Variants in SLC39A12 observed in about 807,000 individuals in gnomAD.
SLC39A12 encodes the protein solute carrier family 39 member 12, also known as zinc transporter ZIP12.
Under a neutral mutation model 71.1 loss-of-function variants are expected in SLC39A12, and 63 were observed. The ratio of observed to expected loss-of-function variants is 0.89; its 90% CI spans 0.72 to 1.09. The LOEUF (loss-of-function observed/expected upper bound fraction) is 1.09, where lower values mean the gene tolerates loss of function less well. SLC39A12 is among the 50% of genes least tolerant of loss of function. The pLI, the probability that SLC39A12 is intolerant of heterozygous loss-of-function variation, is 0.00. For synonymous variants in SLC39A12, 351 were observed against 301.3 expected (o/e 1.16, Z -1.71); for missense variants, 892 against 812.6 (o/e 1.10, Z -1.19).
intron 12 of SLC39A12, among the ~76,000 whole-genome samples, chr10:18,041,803 A>G (rs919514084): frequency 4.1e-5 from 6 of 145,916 alleles, no homozygotes; most frequent in Non-Finnish European, 7.5e-5. Flanking sequence ...CTATATGTAT[A>G]TACATATGTA....
intron 12 of SLC39A12, among the ~76,000 whole-genome samples, chr10:18,014,300 T>A (rs1252226969): frequency 1.3e-5 from 2 of 152,208 alleles, no homozygotes; most frequent in Admixed American, 6.5e-5. Context: ...TGTGTTTATT[T>A]TGTCTTTCAA....
At chr10:17,959,523 T>G (rs1464180536) in intron 2 of SLC39A12, among the ~76,000 whole-genome samples, 1 of 152,160 alleles carries the variant, frequency 6.6e-6, no homozygotes, top group African/African-American at 2.4e-5. Context: ...AAACTTCCAC[T>G]TCAAAGAAGA....
intron 12 of SLC39A12, among the ~76,000 whole-genome samples, chr10:18,016,198 T>C (rs1470698972): frequency 6.6e-6 from 1 of 152,218 alleles, no homozygotes; most frequent in African/African-American, 2.4e-5. Context: ...TATTTGTTTA[T>C]TCTTCCTTCC....
At chr10:18,025,899 T>C (rs1423962342) in intron 12 of SLC39A12, among the ~76,000 whole-genome samples, 1 of 152,206 alleles carries the variant, frequency 6.6e-6, no homozygotes, top group Non-Finnish European at 1.5e-5. Flanking sequence ...AGTTGCACTG[T>C]AGATTTACAA....
At position 17,993,407 on chromosome 10, in the gene SLC39A12, G is replaced by A. The variant is rs1433772002; in HGVS notation, c.1533+116G>A. The A allele has an allele frequency of 4.0e-5, 30 of 751,630 alleles. No homozygotes were observed. The East Asian group carries it at 5.6e-4, about 14-fold the overall frequency. 46.6% of individuals were successfully genotyped at this position (751,630 alleles called of 1,614,324 possible). A position where few individuals can be genotyped will look rare whatever the true frequency, so the allele number is the denominator to read the frequency against. Reference sequence around the variant, plus strand: ...ACAGATTTCATACTCCTGATTTGCCGGTTCTTAACTGTGATAAATACTGTT... The same window carrying A: ...ACAGATTTCATACTCCTGATTTGCCAGTTCTTAACTGTGATAAATACTGTT... On this transcript the variant is annotated intron_variant, in intron 9 of 12. Coordinates refer to ENST00000377369, the MANE Select transcript of SLC39A12 (RefSeq NM_001145195.2).
intron 7 of SLC39A12, among the ~76,000 whole-genome samples, chr10:17,989,832 C>T (rs1165527035): frequency 1.3e-5 from 2 of 151,816 alleles, no homozygotes; most frequent in East Asian, 1.9e-4. Flanking sequence ...GCAGGAGAAT[C>T]GCTTGAACCC....
At chr10:18,036,430 C>T (rs1406766741) in intron 12 of SLC39A12, among the ~76,000 whole-genome samples, 1 of 152,074 alleles carries the variant, frequency 6.6e-6, no homozygotes, top group Non-Finnish European at 1.5e-5. Flanking sequence ...GTCCGTCACC[C>T]CTTTCTTTGA....
chr10:18,042,700 T>C lies in SLC39A12; in HGVS notation c.1948-5T>C. On this transcript the variant is annotated splice_region_variant and splice_polypyrimidine_tract_variant and intron_variant, in intron 12 of 12. Transcript: ENST00000377369. ...TCTTATTCTGGTTTTTTATTCTTTT[T>C]TTAGCTTCCTGAAATGACTCATGTT... 6.3e-7 allele frequency: 1 copy of C among 1,599,910 alleles called. No homozygotes were observed. Among genetic ancestry groups the C allele is most frequent in the African/African-American group, 1.4e-5 (1 of 73,996 alleles).
intron 6 of SLC39A12, among the ~76,000 whole-genome samples, chr10:17,982,451 T>C (rs1023082718): frequency 2.7e-5 from 4 of 146,022 alleles, no homozygotes; most frequent in Non-Finnish European, 6.1e-5. Context: ...GCTGTGTTTC[T>C]TTCTCTTTGA....
chr10:17,953,666 TG>T, intron 2 of SLC39A12, 129 bp downstream of exon 2: 1 of 1,123,508 alleles, frequency 8.9e-7, no homozygotes, highest in Non-Finnish European at 1.3e-6. Flanking sequence ...CAATGCATTC[TG>T]GTAAAATAAT....
intron 7 of SLC39A12, among the ~76,000 whole-genome samples, chr10:17,988,988 G>A (rs1333295379): frequency 2.0e-5 from 3 of 152,262 alleles, no homozygotes; most frequent in Non-Finnish European, 2.9e-5. Context: ...CCATCACAGT[G>A]GAATTCTCCT....
intron 12 of SLC39A12, among the ~76,000 whole-genome samples, chr10:18,031,163 A>C (rs1310598920): frequency 6.8e-6 from 1 of 146,652 alleles, no homozygotes; most frequent in Non-Finnish European, 1.5e-5. Flanking sequence ...GTATATACCC[A>C]GTAATGGGAT....
intron 12 of SLC39A12, among the ~76,000 whole-genome samples, chr10:18,040,936 T>G (rs1837208208): frequency 6.6e-6 from 1 of 152,072 alleles, no homozygotes; most frequent in Non-Finnish European, 1.5e-5. Flanking sequence ...TTGCCATGAT[T>G]GTGGGCAGAG....
At chr10:18,021,451 T>C (rs905348149) in intron 12 of SLC39A12, among the ~76,000 whole-genome samples, 1 of 152,040 alleles carries the variant, frequency 6.6e-6, no homozygotes, top group African/African-American at 2.4e-5. Flanking sequence ...CCCTGCTCTT[T>C]TCTGTTTTCT....
intron 2 of SLC39A12, among the ~76,000 whole-genome samples, chr10:17,958,058 G>A (rs1261607948): frequency 2.0e-5 from 3 of 152,134 alleles, no homozygotes; most frequent in African/African-American, 4.8e-5. Context: ...CTTCCATATT[G>A]TATGCCTTTT....
intron 10 of SLC39A12, among the ~76,000 whole-genome samples, chr10:17,997,822 T>C (rs1835728542): frequency 6.6e-6 from 1 of 152,190 alleles, no homozygotes; most frequent in Admixed American, 6.5e-5. Context: ...ATTTAAATTT[T>C]AAAAAAGCAC....
intron 4 of SLC39A12, among the ~76,000 whole-genome samples, chr10:17,977,008 G>T (rs1835127213): frequency 6.6e-6 from 1 of 151,898 alleles, no homozygotes; most frequent in Non-Finnish European, 1.5e-5. Flanking sequence ...TCTTTAGAAT[G>T]AATTATTTCT....
chr10:18,014,422 T>C (rs1308888866), intron 12 of SLC39A12, among the ~76,000 whole-genome samples: 1 of 152,206 alleles, frequency 6.6e-6, no homozygotes, highest in African/African-American at 2.4e-5. Context: ...CTACAAGCAG[T>C]ATTTTTTAAA....
At chr10:18,014,651 ATCTC>A (rs1836326774) in intron 12 of SLC39A12, among the ~76,000 whole-genome samples, 1 of 152,180 alleles carries the variant, frequency 6.6e-6, no homozygotes, top group African/African-American at 2.4e-5. Flanking sequence ...AATAAAGGAA[ATCTC>A]TATTGTCTTT....
Sources: gnomAD v4.1 joint callset for allele counts (sites outside exome capture counted in the v4.1 genomes callset) on GRCh38, gnomAD v4.1.1 for gene constraint, MANE v1.5 for transcripts, NCBI Gene and HGNC (gene_info 2026-07-23, HGNC 2026-07-21) for gene names.